HPGDS: variants seen among roughly 807,000 people sequenced by gnomAD.
The protein encoded by HPGDS is hematopoietic prostaglandin D synthase.
In HPGDS, 26 loss-of-function variants were observed where a neutral mutation model predicts 23.1. The observed-to-expected ratio is 1.13, with a 90% CI of 0.83 to 1.56. HPGDS has a LOEUF of 1.56. HPGDS is among the 40% of genes most tolerant of loss of function. The pLI is 0.00. For synonymous variants in HPGDS, 95 were observed against 77.9 expected (o/e 1.22, Z -1.16); for missense variants, 268 against 236.4 (o/e 1.13, Z -0.88).
At chr4:94,328,040 G>C (rs1332643691) in intron 2 of HPGDS, among the ~76,000 whole-genome samples, 2 of 152,198 alleles carry the variant, frequency 1.3e-5, no homozygotes, top group African/African-American at 4.8e-5. Flanking sequence ...CCCTATCCTA[G>C]TCTCAGGGCC....
Position 94,300,441 on chromosome 4 carries a change from G to A in HPGDS, c.436-797C>T, listed in dbSNP as rs1756018155. ...TGGCTCCATATGATTATCAAAGAGT[G>A]AAGTTTAAATGTGGCCCACTCTTTT... On this transcript the variant is annotated intron_variant, in intron 5 of 5. Transcript: ENST00000295256. 2.0e-5 allele frequency among the ~76,000 whole-genome samples: 3 copies of A among 152,174 alleles called. No individual in the cohort carries two copies. The South Asian group carries it at 6.2e-4, about 32-fold the overall frequency.
In HPGDS at chr4:94,299,337, TA is replaced by T; in HGVS notation, c.*142del. The T allele has an allele frequency of 1.5e-6, 1 of 682,640 alleles. No homozygotes were observed. The highest frequency in any genetic ancestry group is 2.3e-6 in the Non-Finnish European group (1 of 431,854). The allele number at this position is 682,640 out of a possible 1,614,324, so 42.3% of individuals were successfully genotyped here. ...AAAGATTTGTTTTTATTTTCCTTTT[TA>T]AAAATCAGAATATGGCTAAAGTGAA... On this transcript the variant is annotated 3_prime_UTR_variant, in exon 6 of 6. Transcript: ENST00000295256.
chr4:94,310,491 T>C (rs1756242022), intron 3 of HPGDS, among the ~76,000 whole-genome samples: 2 of 152,226 alleles, frequency 1.3e-5, no homozygotes, highest in African/African-American at 2.4e-5. Flanking sequence ...CTGGTCTGCC[T>C]ATATCTCTGT....
At chr4:94,299,935 CCT>C (rs1290159843) in intron 5 of HPGDS, among the ~76,000 whole-genome samples, 2 of 152,296 alleles carry the variant, frequency 1.3e-5, no homozygotes, top group South Asian at 4.1e-4. Context: ...CCAGTCTCCA[CCT>C]CTCTGTGACA....
intron 1 of HPGDS, among the ~76,000 whole-genome samples, chr4:94,340,842 T>G (rs1406440707): frequency 9.7e-6 from 1 of 103,506 alleles, no homozygotes; most frequent in Non-Finnish European, 2.2e-5. Context: ...TCTTTTTTTT[T>G]TTCTTTCTTT....
chr4:94,340,311 C>CTTTTTCTTTTCTT lies in HPGDS; in HGVS notation c.-10+2483_-10+2484insAAGAAAAGAAAAA, dbSNP rs1560598005. 1.5e-3 allele frequency among the ~76,000 whole-genome samples: 35 copies of CTTTTTCTTTTCTT among 23,686 alleles called. 4 individuals are homozygous for CTTTTTCTTTTCTT. Among genetic ancestry groups the CTTTTTCTTTTCTT allele is most frequent in the Non-Finnish European group, 2.1e-3 (24 of 11,512 alleles). 15.5% of individuals were successfully genotyped at this position (23,686 alleles called of 152,430 possible). On this transcript the variant is annotated intron_variant, in intron 1 of 5. Transcript: ENST00000295256. ...TTTCTTTCTTTCTTTCTTTCTTTCT[C>CTTTTTCTTTTCTT]TTTTTTTTTTTTTTTTTTTTTTTTT...
chr4:94,312,103 T>G (rs867254472), intron 3 of HPGDS, among the ~76,000 whole-genome samples: 1 of 152,176 alleles, frequency 6.6e-6, no homozygotes, highest in African/African-American at 2.4e-5. Context: ...CTGGATTCAT[T>G]GATTTTTTGA....
chr4:94,301,833 G>T (rs933728652), intron 5 of HPGDS, among the ~76,000 whole-genome samples: 2 of 151,974 alleles, frequency 1.3e-5, no homozygotes, highest in Admixed American at 6.6e-5. Context: ...TCTTGAAATA[G>T]TTCTTCTCTA....
intron 3 of HPGDS, among the ~76,000 whole-genome samples, chr4:94,313,249 TTG>T (rs1478577461): frequency 6.6e-6 from 1 of 152,224 alleles, no homozygotes; most frequent in Non-Finnish European, 1.5e-5. Context: ...TCTTTACAAT[TTG>T]GCATGTTTTT....
At chr4:94,310,776 T>A (rs1019052866) in intron 3 of HPGDS, among the ~76,000 whole-genome samples, 1 of 152,246 alleles carries the variant, frequency 6.6e-6, no homozygotes, top group African/African-American at 2.4e-5. Flanking sequence ...GAGCATGGAA[T>A]GTTCTTCCAT....
chr4:94,327,528 T>C (rs1756657922), intron 2 of HPGDS, among the ~76,000 whole-genome samples: 1 of 152,098 alleles, frequency 6.6e-6, no homozygotes, highest in Non-Finnish European at 1.5e-5. Flanking sequence ...GTGGCAGTAC[T>C]ATCCTCAGGT....
At chr4:94,316,704 C>T (rs1756405089) in intron 3 of HPGDS, among the ~76,000 whole-genome samples, 1 of 152,164 alleles carries the variant, frequency 6.6e-6, no homozygotes, top group Non-Finnish European at 1.5e-5. Flanking sequence ...TGTTCTAGCC[C>T]AGAGATTCTC....
Position 94,317,966 on chromosome 4 carries a change from C to T in HPGDS, c.134-1G>A. 1 of 1,584,574 alleles carries T rather than the reference C, an allele frequency of 6.3e-7. No individual in the cohort carries two copies. Among genetic ancestry groups the T allele is most frequent in the Non-Finnish European group, 8.7e-7 (1 of 1,155,582 alleles). On this transcript the variant is annotated splice_acceptor_variant, in intron 2 of 5. Coordinates refer to ENST00000295256, the MANE Select transcript of HPGDS (RefSeq NM_014485.3). LOFTEE classifies it high-confidence loss of function. ...ATGGGGATTTTTCCAAATGGGAGAG[C>T]TTAAAATGAAATGAGCAAATAATTA...
At chr4:94,308,237 T>C (rs11946025) in intron 4 of HPGDS, among the ~76,000 whole-genome samples, 3,766 of 152,254 alleles carry the variant, frequency 0.025, 106 homozygotes, top group African/African-American at 0.074. Context: ...CTTGTGCTGT[T>C]ATCTTGGTAC....
At chr4:94,308,490 T>A in intron 4 of HPGDS, 144 bp downstream of exon 4, 1 of 496,372 alleles carries the variant, frequency 2.0e-6, no homozygotes, top group Non-Finnish European at 3.6e-6. Context: ...ATTGCTGTAC[T>A]TTATTTTAAA....
At chr4:94,321,330 T>C in intron 2 of HPGDS, among the ~76,000 whole-genome samples, 1 of 152,208 alleles carries the variant, frequency 6.6e-6, no homozygotes, top group Non-Finnish European at 1.5e-5. Flanking sequence ...GGGGATGGCA[T>C]TGAATCTATA....
chr4:94,308,143 C>G (rs183113354), intron 4 of HPGDS, among the ~76,000 whole-genome samples: 83 of 152,162 alleles, frequency 5.5e-4, no homozygotes, highest in Non-Finnish European at 1.1e-3. Flanking sequence ...ATACACATAG[C>G]CAAAGGTAAT....
chr4:94,320,045 A>G (rs1304520626), intron 2 of HPGDS, among the ~76,000 whole-genome samples: 1 of 152,114 alleles, frequency 6.6e-6, no homozygotes, highest in Non-Finnish European at 1.5e-5. Context: ...GTTTGCTCAG[A>G]ATGATGGTTT....
At chr4:94,333,306 C>G (rs770752721) in intron 2 of HPGDS, among the ~76,000 whole-genome samples, 4 of 152,192 alleles carry the variant, frequency 2.6e-5, no homozygotes, top group Non-Finnish European at 5.9e-5. Flanking sequence ...TCTCAATTTT[C>G]CTTGTAGTAA....
Sources: gnomAD v4.1 joint callset for allele counts (sites outside exome capture counted in the v4.1 genomes callset) on GRCh38, gnomAD v4.1.1 for gene constraint, MANE v1.5 for transcripts, NCBI Gene and HGNC (gene_info 2026-07-23, HGNC 2026-07-21) for gene names.